PAK3: variants seen among roughly 807,000 people sequenced by gnomAD.
PAK3 encodes p21 (RAC1) activated kinase 3.
Under a neutral mutation model 41.0 loss-of-function variants are expected in PAK3, and 4 were observed. That is an observed-to-expected ratio of 0.10 (90% CI 0.05 to 0.22). The LOEUF is 0.22. PAK3 is among the 10% of genes least tolerant of loss of function. The pLI is 1.00. For missense variants in PAK3, 205 were observed against 409.9 expected, an observed-to-expected ratio of 0.50 and a Z score of 4.32; for synonymous variants, 146 against 139.6, an observed-to-expected ratio of 1.05 and a Z score of -0.32.
intron 16 of PAK3, among the ~76,000 whole-genome samples, chrX:111,204,526 G>A (rs1303598052): frequency 1.8e-5 from 2 of 111,435 alleles, no homozygotes; most frequent in Non-Finnish European, 3.8e-5. Context: ...TTTATCCTAT[G>A]GCTTTTGAAA....
intron 1 of PAK3, among the ~76,000 whole-genome samples, chrX:111,028,368 ACCAC>A (rs1466324654): frequency 9.1e-6 from 1 of 109,977 alleles, no homozygotes; most frequent in Non-Finnish European, 1.9e-5. Flanking sequence ...GTAAACAAAA[ACCAC>A]CTGTTCCCCA....
At chrX:110,949,189 C>T (rs1324606168) in intron 1 of PAK3, among the ~76,000 whole-genome samples, 2 of 111,359 alleles carry the variant, frequency 1.8e-5, no homozygotes, top group Non-Finnish European at 3.8e-5. Flanking sequence ...AGGTCATGTC[C>T]AGTTCTGAGC....
chrX:111,016,054 G>A (rs775059329), intron 1 of PAK3, among the ~76,000 whole-genome samples: 13 of 112,128 alleles, frequency 1.2e-4, no homozygotes, highest in African/African-American at 3.9e-4. Flanking sequence ...CTTTCCAAAG[G>A]TACAGTGCAT....
chrX:110,987,693 T>C (rs2091570704), intron 1 of PAK3, among the ~76,000 whole-genome samples: 1 of 112,286 alleles, frequency 8.9e-6, no homozygotes, highest in Non-Finnish European at 1.9e-5. Context: ...ATATTTTTAT[T>C]GTCATTGTTT....
chrX:111,052,555 G>C lies in PAK3; in HGVS notation c.-27-70522G>C, dbSNP rs761352332. 8.0e-5 allele frequency among the ~76,000 whole-genome samples: 9 copies of C among 112,154 alleles called. No individual in the cohort carries two copies. The South Asian group carries it at 3.3e-3, about 42-fold the overall frequency. On this transcript the variant is annotated intron_variant, in intron 1 of 14. Coordinates refer to the PAK3 transcript ENST00000425146. ...AATTGCCACAACAATTCCCATGGTG[G>C]GGGTGGGTACAATTACTGTTACTTC...
chrX:111,058,322 C>T (rs940274886), intron 1 of PAK3, among the ~76,000 whole-genome samples: 8 of 111,571 alleles, frequency 7.2e-5, no homozygotes, highest in Non-Finnish European at 1.1e-4. Flanking sequence ...ACAATTTCTC[C>T]AAATACTCAT....
At chrX:110,998,791 C>G (rs183848262) in intron 1 of PAK3, among the ~76,000 whole-genome samples, 1 of 111,998 alleles carries the variant, frequency 8.9e-6, no homozygotes, top group East Asian at 2.8e-4. Flanking sequence ...GGTGAATGAT[C>G]AAATGAATGA....
intron 1 of PAK3, among the ~76,000 whole-genome samples, chrX:111,067,310 G>A (rs187128131): frequency 1.8e-5 from 2 of 111,450 alleles, no homozygotes; most frequent in Admixed American, 1.9e-4. Context: ...TATATTGCCC[G>A]AGTAAGTGCC....
chrX:111,155,386 A>C (rs2094091091), intron 8 of PAK3, among the ~76,000 whole-genome samples: 1 of 109,756 alleles, frequency 9.1e-6, no homozygotes, highest in Non-Finnish European at 1.9e-5. Context: ...CTGCAGTCCC[A>C]ACTACTTTGG....
chrX:111,158,583 A>G (rs1370693441), intron 8 of PAK3, among the ~76,000 whole-genome samples: 1 of 111,734 alleles, frequency 8.9e-6, no homozygotes, highest in Middle Eastern at 4.2e-3. Context: ...CTCTGGCCCA[A>G]CCATAATTCA....
At chrX:111,143,240 G>A (rs893187693) in intron 6 of PAK3, among the ~76,000 whole-genome samples, 5 of 111,189 alleles carry the variant, frequency 4.5e-5, no homozygotes, top group African/African-American at 1.6e-4. Flanking sequence ...ACATAGTAGT[G>A]AATAGACTGT....
chrX:111,104,213 G>A (rs1174054146), intron 4 of PAK3, among the ~76,000 whole-genome samples: 1 of 111,014 alleles, frequency 9.0e-6, no homozygotes, highest in Non-Finnish European at 1.9e-5. Flanking sequence ...GCTATTCCCT[G>A]CAGTCCAGCT....
Position 111,227,012 on chromosome X carries a change from G to T in PAK3, c.*6565G>T, listed in dbSNP as rs952786496. On this transcript the variant is annotated 3_prime_UTR_variant, in exon 18 of 18. Transcript: ENST00000372007. Reference sequence around the variant, plus strand: ...CACGTTTTCATTGTTTATCAGAATTGTATCTCATTTGGCTGAGCATTACTT... The same window carrying T: ...CACGTTTTCATTGTTTATCAGAATTTTATCTCATTTGGCTGAGCATTACTT... 5 of 112,223 alleles carry T rather than the reference G, an allele frequency of 4.5e-5. No homozygotes were observed. Among genetic ancestry groups the T allele is most frequent in the African/African-American group, 1.6e-4 (5 of 30,879 alleles). The allele number at this position is 112,223 out of a possible 1,213,427, so 9.2% of individuals were successfully genotyped here.
At chrX:111,160,781 A>T (rs1215625446) in intron 8 of PAK3, among the ~76,000 whole-genome samples, 2 of 111,444 alleles carry the variant, frequency 1.8e-5, no homozygotes, top group Admixed American at 1.9e-4. Context: ...CCACGTCCCT[A>T]CAAAGGACAT....
intron 11 of PAK3, among the ~76,000 whole-genome samples, chrX:111,189,429 G>T (rs965456495): frequency 9.0e-6 from 1 of 111,576 alleles, no homozygotes; most frequent in African/African-American, 3.3e-5. Context: ...TTTTCTTTTG[G>T]ATACATACCC....
At chrX:110,968,316 A>G (rs2091124301) in intron 1 of PAK3, among the ~76,000 whole-genome samples, 1 of 112,696 alleles carries the variant, frequency 8.9e-6, no homozygotes, top group Admixed American at 9.4e-5. Flanking sequence ...TTGTGTGGAC[A>G]AAAGCTTTCA....
At chrX:111,078,229 T>C (rs781227745) in intron 1 of PAK3, among the ~76,000 whole-genome samples, 2 of 110,734 alleles carry the variant, frequency 1.8e-5, no homozygotes, top group East Asian at 2.8e-4. Flanking sequence ...CTTTGTTTAA[T>C]TGTGCTTTGC....
At chrX:110,975,558 C>T (rs1184757474) in intron 1 of PAK3, among the ~76,000 whole-genome samples, 1 of 111,736 alleles carries the variant, frequency 8.9e-6, no homozygotes, top group Non-Finnish European at 1.9e-5. Flanking sequence ...AGATTCAATG[C>T]CATCCCCATC....
At chrX:111,118,020 G>T (rs1402319594) in intron 4 of PAK3, among the ~76,000 whole-genome samples, 1 of 111,511 alleles carries the variant, frequency 9.0e-6, no homozygotes, top group Non-Finnish European at 1.9e-5. Context: ...CCTGTAAAAT[G>T]CCCGCTTTGG....
Sources: gnomAD v4.1 joint callset for allele counts (sites outside exome capture counted in the v4.1 genomes callset) on GRCh38, gnomAD v4.1.1 for gene constraint, MANE v1.5 for transcripts, NCBI Gene and HGNC (gene_info 2026-07-23, HGNC 2026-07-21) for gene names.